BMAL1: variants seen among roughly 807,000 people sequenced by gnomAD.
The protein encoded by BMAL1 is basic helix-loop-helix ARNT like 1.
At chr11:13,309,090 A>G in the BMAL1 span, among the ~76,000 whole-genome samples, 151 of 152,294 alleles carry the variant, frequency 9.9e-4, no homozygotes, top group African/African-American at 3.6e-3. Flanking sequence ...TGTGACATGT[A>G]TTTTCTCACA....
chr11:13,376,796 C>T, the BMAL1 span: 1 of 1,458,438 alleles, frequency 6.9e-7, no homozygotes, highest in East Asian at 2.3e-5. Context: ...ATATCCTCCC[C>T]TAAAGTATTC....
chr11:13,372,918 T>C, the BMAL1 span, among the ~76,000 whole-genome samples: 61 of 152,162 alleles, frequency 4.0e-4, no homozygotes, highest in East Asian at 9.8e-3. Context: ...ATAGAGACAA[T>C]TAAGTGGGGT....
At chr11:13,305,843 T>C in the BMAL1 span, among the ~76,000 whole-genome samples, 1 of 152,202 alleles carries the variant, frequency 6.6e-6, no homozygotes, top group Non-Finnish European at 1.5e-5. Flanking sequence ...GGTTATTATC[T>C]ACAAGTTTTC....
the BMAL1 span, among the ~76,000 whole-genome samples, chr11:13,278,176 C>T: frequency 6.6e-6 from 1 of 152,198 alleles, no homozygotes; most frequent in Admixed American, 6.5e-5. Flanking sequence ...CGGGGGCTGC[C>T]GCTGCGGGCT....
At chr11:13,282,324 G>A in the BMAL1 span, among the ~76,000 whole-genome samples, 4 of 152,222 alleles carry the variant, frequency 2.6e-5, no homozygotes, top group African/African-American at 7.2e-5. Flanking sequence ...GAGAGTTGAG[G>A]TGTGGATTAA....
the BMAL1 span, chr11:13,358,351 A>G: frequency 1.4e-6 from 2 of 1,387,152 alleles, no homozygotes; most frequent in Non-Finnish European, 1.9e-6. Context: ...CATTGAAAAC[A>G]GTTACAACTC....
At chr11:13,294,905 C>A in the BMAL1 span, among the ~76,000 whole-genome samples, 16 of 152,232 alleles carry the variant, frequency 1.1e-4, no homozygotes, top group African/African-American at 3.1e-4. Flanking sequence ...CTTCTTCCCG[C>A]AGTGTTCTTG....
the BMAL1 span, among the ~76,000 whole-genome samples, chr11:13,296,918 G>A: frequency 3.4e-4 from 52 of 152,108 alleles, no homozygotes; most frequent in Non-Finnish European, 7.1e-4. Context: ...CTCCTGCACC[G>A]TCCTCCTGCC....
chr11:13,375,073 C>G, the BMAL1 span, among the ~76,000 whole-genome samples: 6 of 152,196 alleles, frequency 3.9e-5, no homozygotes, highest in Non-Finnish European at 8.8e-5. Context: ...GATCTCTTCT[C>G]CCTGTATAGC....
the BMAL1 span, chr11:13,358,306 A>AT: frequency 8.9e-7 from 1 of 1,124,264 alleles, no homozygotes; most frequent in Non-Finnish European, 1.2e-6. Flanking sequence ...AATTTTAAAC[A>AT]TTCTGCAAAT....
At chr11:13,347,969 A>G in the BMAL1 span, among the ~76,000 whole-genome samples, 1 of 152,240 alleles carries the variant, frequency 6.6e-6, no homozygotes, top group African/African-American at 2.4e-5. Flanking sequence ...GATCAGGCAC[A>G]GGAGACGCCT....
At chr11:13,334,503 A>C in the BMAL1 span, among the ~76,000 whole-genome samples, 1 of 150,210 alleles carries the variant, frequency 6.7e-6, no homozygotes, top group Non-Finnish European at 1.5e-5. Context: ...CTTTAGATCA[A>C]GGTGACAAAT....
At chr11:13,290,996 G>A in the BMAL1 span, among the ~76,000 whole-genome samples, 1 of 152,264 alleles carries the variant, frequency 6.6e-6, no homozygotes, top group Non-Finnish European at 1.5e-5. Context: ...TACTCTGGCT[G>A]GTGAGCAAAT....
the BMAL1 span, among the ~76,000 whole-genome samples, chr11:13,332,997 C>T: frequency 1.3e-5 from 2 of 148,598 alleles, no homozygotes; most frequent in African/African-American, 5.0e-5. Context: ...GAGAGAGTCT[C>T]AGTCTGTCGC....
At chr11:13,282,679 T>C in the BMAL1 span, among the ~76,000 whole-genome samples, 3 of 152,250 alleles carry the variant, frequency 2.0e-5, no homozygotes, top group African/African-American at 4.8e-5. Context: ...CTGGCAGCAA[T>C]GTCCACATTG....
the BMAL1 span, chr11:13,356,613 T>G: frequency 4.8e-6 from 5 of 1,047,316 alleles, no homozygotes; most frequent in African/African-American, 8.0e-5. Context: ...CATTAATTGA[T>G]ACTGTGGCTG....
chr11:13,381,222 C>G, the BMAL1 span: 1 of 1,614,130 alleles, frequency 6.2e-7, no homozygotes, highest in Non-Finnish European at 8.5e-7. Context: ...GAGTACGCCT[C>G]CCCCTGATGC....
the BMAL1 span, among the ~76,000 whole-genome samples, chr11:13,336,745 G>A: frequency 1.3e-5 from 2 of 152,188 alleles, no homozygotes; most frequent in African/African-American, 4.8e-5. Flanking sequence ...AACTGAACAC[G>A]ACACCTAAAA....
the BMAL1 span, among the ~76,000 whole-genome samples, chr11:13,302,272 G>C: frequency 6.6e-6 from 1 of 152,172 alleles, no homozygotes; most frequent in Non-Finnish European, 1.5e-5. Context: ...CCTCGGGAGA[G>C]GGGCAGCAGG....
Sources: gnomAD v4.1 joint callset for allele counts (sites outside exome capture counted in the v4.1 genomes callset) on GRCh38, gnomAD v4.1.1 for gene constraint, MANE v1.5 for transcripts, NCBI Gene and HGNC (gene_info 2026-07-23, HGNC 2026-07-21) for gene names.